Variants in MGAT5B observed in about 807,000 individuals in gnomAD.
MGAT5B encodes the protein N-acetylglucosaminyl-transferase Vb.
In MGAT5B, 54 loss-of-function variants were observed where a neutral mutation model predicts 95.1. The ratio of observed to expected loss-of-function variants is 0.57; its 90% CI spans 0.46 to 0.71. The LOEUF (loss-of-function observed/expected upper bound fraction) is 0.71. MGAT5B is among the 30% of genes least tolerant of loss of function. MGAT5B has a pLI of 0.00. For synonymous variants in MGAT5B, 464 were observed against 451.0 expected (o/e 1.03, Z -0.36); for missense variants, 935 against 1,088.6 (o/e 0.86, Z 1.99).
At chr17:76,911,005 T>A (rs2145205697) in intron 8 of MGAT5B, among the ~76,000 whole-genome samples, 1 of 152,358 alleles carries the variant, frequency 6.6e-6, no homozygotes, top group East Asian at 1.9e-4. Flanking sequence ...CAGTTATGCC[T>A]ACAAAAGTAA....
chr17:76,948,582 C>T (rs1273179403), intron 17 of MGAT5B, 58 bp from the exon 18 acceptor site: 1 of 1,532,974 alleles, frequency 6.5e-7, no homozygotes, highest in East Asian at 2.3e-5. Flanking sequence ...CTACCCCGCC[C>T]CAGCCCTTCT....
intron 3 of MGAT5B, among the ~76,000 whole-genome samples, chr17:76,890,172 C>G (rs1035952430): frequency 2.0e-5 from 3 of 152,110 alleles, no homozygotes; most frequent in African/African-American, 7.2e-5. Context: ...CAGGGTCACC[C>G]CCTCAGAAGG....
Position 76,914,720 on chromosome 17 carries a change from C to T in MGAT5B, c.1025+8533C>T, listed in dbSNP as rs2145214238. 6.6e-6 allele frequency among the ~76,000 whole-genome samples: 1 copy of T among 152,170 alleles called. No individual in the cohort carries two copies. The highest frequency in any genetic ancestry group is 2.4e-5 in the African/African-American group (1 of 41,482). ...GTGGCGCAGTCTCGGCTCACTGCATCCTCCACCTCCGGGTTCAAGTGATTC... is the reference window on the plus strand; with the variant it reads ...GTGGCGCAGTCTCGGCTCACTGCATTCTCCACCTCCGGGTTCAAGTGATTC... On this transcript the variant is annotated intron_variant, in intron 8 of 17. Coordinates refer to ENST00000569840, the MANE Select transcript of MGAT5B (RefSeq NM_001199172.2). This position sits in a 1 kb window ranked among gnomAD's most constrained non-coding sequence, Gnocchi z 5.1.
chr17:76,898,936 T>C (rs771640365), intron 3 of MGAT5B, among the ~76,000 whole-genome samples: 11 of 152,168 alleles, frequency 7.2e-5, no homozygotes, highest in Non-Finnish European at 1.3e-4. Context: ...CAGCATCTGG[T>C]TCCACACAGG....
chr17:76,898,904 C>A (rs559779379), intron 3 of MGAT5B, among the ~76,000 whole-genome samples: 1 of 152,162 alleles, frequency 6.6e-6, no homozygotes, highest in South Asian at 2.1e-4. Context: ...GATGGAGCCC[C>A]GAGCACAGGG....
chr17:76,897,731 C>CTTTCTTTCTTTTTCT (rs1968142079), intron 3 of MGAT5B, among the ~76,000 whole-genome samples: 1 of 84,848 alleles, frequency 1.2e-5, no homozygotes, highest in Non-Finnish European at 2.5e-5. Flanking sequence ...CTTTCTTTTT[C>CTTTCTTTCTTTTTCT]TTTTTTTTTT....
intron 3 of MGAT5B, among the ~76,000 whole-genome samples, chr17:76,883,127 A>G (rs541779): frequency 0.14 from 21,426 of 151,890 alleles, 2,160 homozygotes; most frequent in African/African-American, 0.28. Context: ...CCTCCTGAGT[A>G]GCTGGGATTA....
chr17:76,895,812 G>T (rs635145), intron 3 of MGAT5B, among the ~76,000 whole-genome samples: 14,062 of 151,520 alleles, frequency 0.093, 2,036 homozygotes, highest in African/African-American at 0.31. Flanking sequence ...TTGAAGGGGG[G>T]GCATCATTTA....
At chr17:76,928,208 AG>A (rs1355732017) in intron 10 of MGAT5B, among the ~76,000 whole-genome samples, 1 of 151,998 alleles carries the variant, frequency 6.6e-6, no homozygotes, top group African/African-American at 2.4e-5. Context: ...CTCCTTCTGC[AG>A]GGCCCGTTTC....
intron 10 of MGAT5B, among the ~76,000 whole-genome samples, chr17:76,926,989 G>T (rs1382215962): frequency 1.3e-5 from 2 of 152,198 alleles, no homozygotes; most frequent in African/African-American, 4.8e-5. Flanking sequence ...AGCAGATGTA[G>T]CCTTCACCCT....
chr17:76,879,442 T>C (rs1165492886), intron 2 of MGAT5B, among the ~76,000 whole-genome samples: 1 of 152,214 alleles, frequency 6.6e-6, no homozygotes, highest in Non-Finnish European at 1.5e-5. Flanking sequence ...TGAGACACCT[T>C]ATGGGATGAA....
At chr17:76,937,954 A>G (rs774532088) in intron 12 of MGAT5B, 34 bp from the exon 13 acceptor site, 9 of 1,607,714 alleles carry the variant, frequency 5.6e-6, no homozygotes, top group East Asian at 2.2e-5. Context: ...TGTGGTTTGC[A>G]TGTGGTTCCC....
intron 8 of MGAT5B, among the ~76,000 whole-genome samples, chr17:76,909,353 C>A (rs1968649559): frequency 6.6e-6 from 1 of 152,216 alleles, no homozygotes; most frequent in African/African-American, 2.4e-5. Flanking sequence ...TCCCTCCTCC[C>A]CACCACATTT....
Position 76,889,943 on chromosome 17 carries a change from T to A in MGAT5B, c.329+7645T>A, listed in dbSNP as rs540779428. Among the ~76,000 whole-genome samples the A allele has an allele frequency of 2.0e-5, 3 of 152,310 alleles. No individual in the cohort carries two copies. In the East Asian group the frequency reaches 5.8e-4, roughly 29 times the overall value. ...CCTGTTGGCCCTGAGGGCTTCCTGA[T>A]CATGACGAATGTCCCCAGCTTTTCT... is the stretch of plus-strand genomic sequence containing the variant. On this transcript the variant is annotated intron_variant, in intron 3 of 17. Coordinates refer to ENST00000569840, the MANE Select transcript of MGAT5B (RefSeq NM_001199172.2). This position sits in a 1 kb window ranked among gnomAD's most constrained non-coding sequence, Gnocchi z 4.4.
chr17:76,901,203 AC>A (rs1356473064), intron 3 of MGAT5B, among the ~76,000 whole-genome samples: 1 of 152,124 alleles, frequency 6.6e-6, no homozygotes, highest in Non-Finnish European at 1.5e-5. Flanking sequence ...TCTCTAGTGG[AC>A]AGCTCACTAG....
At chr17:76,919,014 G>A (rs12939833) in intron 8 of MGAT5B, among the ~76,000 whole-genome samples, 10,279 of 152,258 alleles carry the variant, frequency 0.068, 363 homozygotes, top group Non-Finnish European at 0.075. Context: ...AGAAGAGACC[G>A]TGGAGATTTG....
chr17:76,901,834 G>A (rs971873893), intron 3 of MGAT5B, among the ~76,000 whole-genome samples: 1 of 152,260 alleles, frequency 6.6e-6, no homozygotes, highest in Admixed American at 6.5e-5. Context: ...TCTGTCACCT[G>A]TGTGACCCCT....
In MGAT5B at chr17:76,905,535, C is replaced by T. The variant is rs1484552081; in HGVS notation, c.855+202C>T. On this transcript the variant is annotated intron_variant, in intron 7 of 17. Transcript: ENST00000569840. The surrounding 1 kb of genome is among the most constrained non-coding windows in gnomAD (Gnocchi z 4.2). ...CCTTTTCAAGGTTGGGACCAAATGA[C>T]AAGCCCCCAAGAGGTCCTGCATTCT... Among the ~76,000 whole-genome samples the T allele has an allele frequency of 1.3e-5, 2 of 152,186 alleles. No homozygotes were observed. Among genetic ancestry groups the T allele is most frequent in the African/African-American group, 4.8e-5 (2 of 41,438 alleles).
At chr17:76,925,858 C>T (rs1014851734) in intron 9 of MGAT5B, among the ~76,000 whole-genome samples, 1 of 152,138 alleles carries the variant, frequency 6.6e-6, no homozygotes, top group Non-Finnish European at 1.5e-5. Flanking sequence ...GGTGCCCCTT[C>T]CAGGGAGTAG....
Sources: gnomAD v4.1 joint callset for allele counts (sites outside exome capture counted in the v4.1 genomes callset) on GRCh38, gnomAD v4.1.1 for gene constraint, Gnocchi (gnomAD v3.1) non-coding constraint, MANE v1.5 for transcripts, NCBI Gene and HGNC (gene_info 2026-07-23, HGNC 2026-07-21) for gene names.